HOMER1: variants seen among roughly 807,000 people sequenced by gnomAD.
The protein encoded by HOMER1 is homer scaffold protein 1.
HOMER1 carries 3 observed loss-of-function variants against 48.9 expected under a neutral mutation model. The ratio of observed to expected loss-of-function variants is 0.06; its 90% CI spans 0.03 to 0.16. The LOEUF (loss-of-function observed/expected upper bound fraction) is 0.16, where lower values mean the gene tolerates loss of function less well. Ranked by LOEUF, HOMER1 falls within the 10% of genes least tolerant of loss-of-function variation. The probability of loss-of-function intolerance (pLI) is 1.00; values close to 1 mark genes in which losing one functional copy is unlikely to be tolerated. For synonymous variants in HOMER1, 134 were observed against 146.4 expected (o/e 0.92, Z 0.61); for missense variants, 247 against 411.4 (o/e 0.60, Z 3.46).
chr5:79,447,005 T>C (rs1360710568), intron 4 of HOMER1, 48 bp downstream of exon 4: 1 of 1,134,402 alleles, frequency 8.8e-7, no homozygotes, highest in Non-Finnish European at 1.3e-6. Context: ...AAGGATATTA[T>C]CTGAAATGAA....
intron 5 of HOMER1, among the ~76,000 whole-genome samples, chr5:79,402,733 T>C (rs1749563867): frequency 6.6e-6 from 1 of 152,202 alleles, no homozygotes; most frequent in South Asian, 2.1e-4. Context: ...TTTTTACGTG[T>C]GTCAAACCCT....
intron 5 of HOMER1, among the ~76,000 whole-genome samples, chr5:79,403,344 A>G (rs1749580996): frequency 6.6e-6 from 1 of 152,162 alleles, no homozygotes; most frequent in Admixed American, 6.6e-5. Flanking sequence ...ATTTTAGCAT[A>G]TATTTTATTT....
chr5:79,408,866 T>C (rs1171624708), intron 5 of HOMER1, among the ~76,000 whole-genome samples: 1 of 151,968 alleles, frequency 6.6e-6, no homozygotes, highest in Non-Finnish European at 1.5e-5. Context: ...GTGAATCACT[T>C]GAGGCCAGGA....
chr5:79,486,614 T>G (rs1752109476), intron 1 of HOMER1, among the ~76,000 whole-genome samples: 1 of 152,088 alleles, frequency 6.6e-6, no homozygotes, highest in Non-Finnish European at 1.5e-5. Flanking sequence ...TATGAAAAAA[T>G]GGAGGGACAG....
intron 1 of HOMER1, among the ~76,000 whole-genome samples, chr5:79,471,355 A>G (rs1751609533): frequency 6.6e-6 from 1 of 151,112 alleles, no homozygotes; most frequent in Non-Finnish European, 1.5e-5. Context: ...AGACAGCCTG[A>G]CCAACATGGT....
Position 79,462,025 on chromosome 5 carries a change from C to T in HOMER1, c.6-5007G>A, listed in dbSNP as rs62363115. 4.9e-3 allele frequency among the ~76,000 whole-genome samples: 751 copies of T among 152,010 alleles called. 3 individuals carry two copies. The highest frequency in any genetic ancestry group is 8.1e-3 in the Non-Finnish European group (550 of 67,990). ...ACCAGCCTGGGCAACATGGTAAAAC[C>T]CCATCTCTACTAAAAATACAAAAAT... On this transcript the variant is annotated intron_variant, in intron 1 of 8. Coordinates refer to ENST00000334082, the MANE Select transcript of HOMER1 (RefSeq NM_004272.5).
At chr5:79,376,288 A>G (rs926306996) in intron 8 of HOMER1, 91 bp from the exon 9 acceptor site, 1 of 935,682 alleles carries the variant, frequency 1.1e-6, no homozygotes, top group Non-Finnish European at 1.6e-6. Context: ...TGCGGTAATC[A>G]ATGCAGTTTG....
chr5:79,416,438 C>T (rs1230378541), intron 5 of HOMER1, among the ~76,000 whole-genome samples: 1 of 152,122 alleles, frequency 6.6e-6, no homozygotes, highest in Non-Finnish European at 1.5e-5. Flanking sequence ...GCATAGTTTC[C>T]CATTTGATTT....
At chr5:79,386,276 T>TCCATTTA (rs1381182308) in intron 8 of HOMER1, among the ~76,000 whole-genome samples, 1 of 152,218 alleles carries the variant, frequency 6.6e-6, no homozygotes, top group Non-Finnish European at 1.5e-5. Flanking sequence ...GGAATATTAT[T>TCCATTTA]CAGCCTTAAA....
intron 5 of HOMER1, among the ~76,000 whole-genome samples, chr5:79,429,127 G>A (rs150927149): frequency 8.7e-4 from 133 of 152,286 alleles, no homozygotes; most frequent in African/African-American, 2.9e-3. Flanking sequence ...AAGCCAAGGC[G>A]GGAGGATCAC....
chr5:79,478,677 C>T lies in HOMER1; in HGVS notation c.6-21659G>A, dbSNP rs564741782. On this transcript the variant is annotated intron_variant, in intron 1 of 8. Coordinates refer to ENST00000334082, the MANE Select transcript of HOMER1 (RefSeq NM_004272.5). ...TCTCAAAAATCAACCATAGGCCAGG[C>T]GCAATGGCTCATGCCTGTAATCCCA... Among the ~76,000 whole-genome samples the T allele has an allele frequency of 9.0e-4, 137 of 152,008 alleles. 1 individual carries two copies. Among genetic ancestry groups the T allele is most frequent in the Non-Finnish European group, 1.4e-3 (94 of 68,002 alleles).
chr5:79,484,286 A>T lies in HOMER1; in HGVS notation c.6-27268T>A, dbSNP rs549828206. ...AAAGAGATGAAATAAATCATAAAAA[A>T]ACACTCAATCTAAAGTAATGCAAAA... On this transcript the variant is annotated intron_variant, in intron 1 of 8. Coordinates refer to ENST00000334082, the MANE Select transcript of HOMER1 (RefSeq NM_004272.5). Among the ~76,000 whole-genome samples the T allele has an allele frequency of 9.9e-4, 150 of 152,094 alleles. 1 individual carries two copies. The highest frequency in any genetic ancestry group is 3.4e-3 in the African/African-American group (142 of 41,410).
Position 79,373,599 on chromosome 5 carries a change from C to G in HOMER1, c.*2410G>C, listed in dbSNP as rs1748687759. The stretch of plus-strand genomic sequence containing the variant: ...AATTATGACTTGTGGATGATGATTT[C>G]TACATACTCTCCTACTGTAAATGAA... On this transcript the variant is annotated 3_prime_UTR_variant, in exon 9 of 9. Transcript: ENST00000334082. The G allele has an allele frequency of 2.0e-5, 3 of 151,862 alleles. No homozygotes were observed. Among genetic ancestry groups the G allele is most frequent in the Admixed American group, 2.0e-4 (3 of 15,238 alleles). 9.4% of individuals were successfully genotyped at this position (151,862 alleles called of 1,614,324 possible).
chr5:79,393,135 G>T (rs1386686574), intron 8 of HOMER1, among the ~76,000 whole-genome samples: 1 of 151,936 alleles, frequency 6.6e-6, no homozygotes, highest in Non-Finnish European at 1.5e-5. Flanking sequence ...TTTAACTAAA[G>T]AACTTATTTA....
Position 79,422,818 on chromosome 5 carries a change from A to G in HOMER1, c.527+16192T>C, listed in dbSNP as rs553407473. ...ATTGCTGAATAAATGGACTCTTAAA[A>G]GATGATCTCTTTTTTTTTTTTTTTT... is the stretch of plus-strand genomic sequence containing the variant. On this transcript the variant is annotated intron_variant, in intron 5 of 8. Coordinates refer to ENST00000334082, the MANE Select transcript of HOMER1 (RefSeq NM_004272.5). 2.0e-5 allele frequency among the ~76,000 whole-genome samples: 3 copies of G among 150,888 alleles called. No individual in the cohort carries two copies. The East Asian group carries it at 5.8e-4, about 29-fold the overall frequency.
At chr5:79,445,377 T>A (rs781605122) in intron 4 of HOMER1, among the ~76,000 whole-genome samples, 2 of 152,184 alleles carry the variant, frequency 1.3e-5, no homozygotes, top group Non-Finnish European at 2.9e-5. Context: ...AAGCCTACTA[T>A]TAAAAAGCTG....
intron 5 of HOMER1, among the ~76,000 whole-genome samples, chr5:79,431,159 A>G (rs965618910): frequency 3.9e-5 from 6 of 152,034 alleles, no homozygotes; most frequent in African/African-American, 1.4e-4. Flanking sequence ...GTGAAAGCCC[A>G]TCTCTACAAA....
intron 1 of HOMER1, among the ~76,000 whole-genome samples, chr5:79,483,104 A>C (rs2112344632): frequency 6.6e-6 from 1 of 152,284 alleles, no homozygotes; most frequent in South Asian, 2.1e-4. Context: ...AGCGCAAAAA[A>C]AAAATTAAGA....
At position 79,487,597 on chromosome 5, in the gene HOMER1, GTAAA is replaced by G. The variant is rs1314467436; in HGVS notation, c.5+25169_5+25172del. ...TGAAAAATTCTACAGGACAAATTGG[GTAAA>G]TAAACAGCAAGAAAAGGAGGGGAAG... On this transcript the variant is annotated intron_variant, in intron 1 of 8. Coordinates refer to ENST00000334082, the MANE Select transcript of HOMER1 (RefSeq NM_004272.5). Among the ~76,000 whole-genome samples, 6 of 152,268 alleles carry G rather than the reference GTAAA, an allele frequency of 3.9e-5. No individual in the cohort carries two copies. In the East Asian group the frequency reaches 1.2e-3, roughly 29 times the overall value.
Sources: allele counts gnomAD v4.1 joint callset (sites outside exome capture counted in the v4.1 genomes callset), GRCh38; gene constraint gnomAD v4.1.1; transcripts MANE v1.5; gene names NCBI Gene and HGNC (gene_info 2026-07-23, HGNC 2026-07-21).